The following FIRRM variants were observed in gnomAD, a reference collection of about 807,000 sequenced individuals.
FIRRM encodes the protein FIGNL1-interacting regulator of recombination and mitosis.
chr1:169,829,481 G>A, the FIRRM span: 171 of 1,545,980 alleles, frequency 1.1e-4, no homozygotes, highest in Non-Finnish European at 1.4e-4. Context: ...CTAAGCTAAG[G>A]TTACACTTTT....
the FIRRM span, chr1:169,832,361 A>C: frequency 9.6e-6 from 12 of 1,255,208 alleles, no homozygotes; most frequent in Non-Finnish European, 1.4e-5. Context: ...TCTTCTTGTA[A>C]AAATTCTGAT....
chr1:169,833,632 GT>G, the FIRRM span, among the ~76,000 whole-genome samples: 1 of 152,130 alleles, frequency 6.6e-6, no homozygotes, highest in South Asian at 2.1e-4. Flanking sequence ...TTTGCCTCAA[GT>G]CCAAGTCTTT....
At chr1:169,825,263 T>C in the FIRRM span, among the ~76,000 whole-genome samples, 3 of 152,244 alleles carry the variant, frequency 2.0e-5, no homozygotes, top group African/African-American at 7.2e-5. Context: ...ATGATGTGAC[T>C]TCTCTGCTCA....
the FIRRM span, chr1:169,852,681 T>A: frequency 8.8e-7 from 1 of 1,142,090 alleles, no homozygotes; most frequent in Non-Finnish European, 1.3e-6. Context: ...CCTACCCTTG[T>A]GATCCAATGA....
chr1:169,812,074 TGTTAA>T, the FIRRM span, among the ~76,000 whole-genome samples: 7 of 152,242 alleles, frequency 4.6e-5, no homozygotes, highest in Non-Finnish European at 8.8e-5. Context: ...AAGATGGGAC[TGTTAA>T]GTTATTTGTG....
At chr1:169,793,599 G>A in the FIRRM span, 1 of 1,614,176 alleles carries the variant, frequency 6.2e-7, no homozygotes, top group Non-Finnish European at 8.5e-7. Context: ...GAGACTGACA[G>A]CTCTTTTGAG....
At chr1:169,798,869 T>A in the FIRRM span, 1 of 1,114,558 alleles carries the variant, frequency 9.0e-7, no homozygotes, top group Non-Finnish European at 1.2e-6. Flanking sequence ...TTGTTCTGAG[T>A]AATGAATACC....
chr1:169,850,372 T>G, the FIRRM span: 3 of 1,492,350 alleles, frequency 2.0e-6, no homozygotes, highest in Non-Finnish European at 2.8e-6. Flanking sequence ...GCTCATGTTT[T>G]ATTCTTTGTC....
At chr1:169,851,327 A>G in the FIRRM span, 1 of 152,316 alleles carries the variant, frequency 6.6e-6, no homozygotes, top group African/African-American at 2.4e-5. Flanking sequence ...TTTTAGGTGA[A>G]ATGGGCCCAC....
the FIRRM span, among the ~76,000 whole-genome samples, chr1:169,835,246 A>G: frequency 6.6e-6 from 1 of 152,202 alleles, no homozygotes; most frequent in East Asian, 1.9e-4. Flanking sequence ...ACTTTAAAAA[A>G]CAAAGGTGTC....
the FIRRM span, among the ~76,000 whole-genome samples, chr1:169,817,549 C>T: frequency 2.0e-5 from 3 of 152,112 alleles, no homozygotes; most frequent in Non-Finnish European, 2.9e-5. Context: ...CAAAGAAAGC[C>T]AAACATCATT....
chr1:169,837,677 T>A, the FIRRM span, among the ~76,000 whole-genome samples: 1 of 152,332 alleles, frequency 6.6e-6, no homozygotes, highest in South Asian at 2.1e-4. Flanking sequence ...TGTGCCACTT[T>A]GTTCTAGGCA....
the FIRRM span, among the ~76,000 whole-genome samples, chr1:169,801,770 TTGG>T: frequency 6.6e-6 from 1 of 152,164 alleles, no homozygotes; most frequent in African/African-American, 2.4e-5. Context: ...TAAAGATACT[TTGG>T]TGCCAAAATG....
chr1:169,853,316 T>TTGTATTTCATAATAGAGCTTACTCTTA, the FIRRM span: 1 of 337,986 alleles, frequency 3.0e-6, no homozygotes, highest in South Asian at 5.3e-5. Context: ...TTTTTTAAAG[T>TTGTATTTCATAATAGAGCTTACTCTTA]TGTATTTCAT....
At chr1:169,830,673 T>C in the FIRRM span, 1 of 1,606,658 alleles carries the variant, frequency 6.2e-7, no homozygotes, top group Non-Finnish European at 8.5e-7. Flanking sequence ...ATAAACATAG[T>C]TGTCTTCTCT....
chr1:169,829,131 G>A, the FIRRM span: 2 of 721,474 alleles, frequency 2.8e-6, no homozygotes, highest in Non-Finnish European at 4.2e-6. Flanking sequence ...CACACGTGTT[G>A]GAAACTATTG....
At chr1:169,793,370 A>G in the FIRRM span, 1 of 1,614,078 alleles carries the variant, frequency 6.2e-7, no homozygotes, top group Non-Finnish European at 8.5e-7. Flanking sequence ...CATCTTCTTT[A>G]AATCTTTAGG....
chr1:169,832,348 T>G, the FIRRM span: 1 of 1,070,676 alleles, frequency 9.3e-7, no homozygotes, highest in Non-Finnish European at 1.4e-6. Flanking sequence ...TTTTGGCATA[T>G]TCTCTTCTTG....
the FIRRM span, chr1:169,837,129 G>C: frequency 6.4e-7 from 1 of 1,562,366 alleles, no homozygotes; most frequent in Non-Finnish European, 8.6e-7. Context: ...TAATAATTTT[G>C]ATTTATTTTA....
Sources: gnomAD v4.1 joint callset for allele counts (sites outside exome capture counted in the v4.1 genomes callset) on GRCh38, gnomAD v4.1.1 for gene constraint, MANE v1.5 for transcripts, NCBI Gene and HGNC (gene_info 2026-07-23, HGNC 2026-07-21) for gene names.